The following RFPL3 variants were observed in gnomAD, a reference collection of about 807,000 sequenced individuals.
The protein encoded by RFPL3 is ret finger protein like 3.
In RFPL3, 8 loss-of-function variants were observed where a neutral mutation model predicts 8.7. That is an observed-to-expected ratio of 0.92 (90% CI 0.54 to 1.66). The LOEUF (loss-of-function observed/expected upper bound fraction) is 1.66. RFPL3 is among the 40% of genes most tolerant of loss of function. RFPL3 has a pLI of 0.00. For synonymous variants in RFPL3, 145 were observed against 150.5 expected (o/e 0.96, Z 0.27); for missense variants, 341 against 395.0 (o/e 0.86, Z 1.16).
rs758059430 is a variant in RFPL3 at position 32,360,370 on chromosome 22, C to T, written c.492C>T (p.Asp164=). The T allele has an allele frequency of 1.2e-5, 20 of 1,613,804 alleles. No homozygotes were observed. Among genetic ancestry groups the T allele is most frequent in the South Asian group, 4.4e-5 (4 of 91,078 alleles). Residue 164 remains aspartate, a synonymous_variant, in exon 2 of 2, where the codon GAC becomes GAT. Coordinates refer to ENST00000249007, the MANE Select transcript of RFPL3 (RefSeq NM_001098535.1). ...QNRQDLAERF[D]VSVCILGSPR... ...GGCAAGACCTTGCCGAGAGATTTGA[C>T]GTGTCCGTTTGCATCCTGGGCTCCC...
chr22:32,359,072 A>C (rs891728604), intron 1 of RFPL3, among the ~76,000 whole-genome samples: 4 of 152,284 alleles, frequency 2.6e-5, no homozygotes, highest in Admixed American at 2.0e-4. Context: ...GGGACATTTA[A>C]ATGAAAAGGT....
rs559055234 is a variant in RFPL3 at position 32,358,318 on chromosome 22, A to G, written c.247A>G (p.Met83Val). Reference sequence around the variant, plus strand: ...GGATCTGCTTTGCTGTTGCTGTTCCATGGTCTCTCAGAGGAACAAAATCAG... The same window carrying G: ...GGATCTGCTTTGCTGTTGCTGTTCCGTGGTCTCTCAGAGGAACAAAATCAG... ...GEDLLCCCCS[M>V]VSQRNKIRPN... Residue 83 changes from methionine (M) to valine (V), a missense_variant, in exon 1 of 2, where the codon ATG becomes GTG. Physicochemically the swap from Met to Val is conservative, Grantham distance 21 (BLOSUM62 1). Transcript: ENST00000249007. 26 of 1,614,052 alleles carry G rather than the reference A, an allele frequency of 1.6e-5. 1 individual carries two copies. In the African/African-American group the frequency reaches 2.5e-4, roughly 16 times the overall value.
upstream of RFPL3, chr22:32,356,782 C>A: frequency 2.6e-6 from 1 of 386,516 alleles, no homozygotes; most frequent in South Asian, 2.1e-5. Context: ...AGGCTCAGGT[C>A]GCTTCTGGCT....
In RFPL3 at chr22:32,358,376, A is replaced by C. The variant is rs548942587; in HGVS notation, c.305A>C (p.His102Pro). ...PNRQLERLVS[H>P]IKELEPKLKK... ...CGGCAGCTAGAGAGGCTGGTTTCCC[A>C]CATCAAGGAACTGGAGCCCAAGCTG... The change falls in exon 1 of 2, where the codon CAC (histidine) becomes CCC (proline). Residue 102 changes from histidine to proline, a missense_variant. Coordinates refer to ENST00000249007, the MANE Select transcript of RFPL3 (RefSeq NM_001098535.1). 24 of 1,614,126 alleles carry C rather than the reference A, an allele frequency of 1.5e-5. No homozygotes were observed. The South Asian group carries it at 2.5e-4, about 17-fold the overall frequency.
chr22:32,360,354 T>G lies in RFPL3; in HGVS notation c.476T>G (p.Leu159Arg). ...SGLITQNRQD[L>R]AERFDVSVCI... ...CTCATCACACAGAATCGGCAAGACC[T>G]TGCCGAGAGATTTGACGTGTCCGTT... The change falls in exon 2 of 2, where the codon CTT (leucine) becomes CGT (arginine). Residue 159 changes from leucine (L) to arginine (R), a missense_variant. Transcript: ENST00000249007. 2 of 1,613,956 alleles carry G rather than the reference T, an allele frequency of 1.2e-6. No homozygotes were observed. Among genetic ancestry groups the G allele is most frequent in the Non-Finnish European group, 1.7e-6 (2 of 1,179,864 alleles).
Position 32,360,812 on chromosome 22 carries a change from C to T in RFPL3, c.934C>T (p.Arg312Cys), listed in dbSNP as rs369320148. ...CTCAGGCACTACTGATGCTCCAGTC[C>T]GTCCTGGGGAGGCCAAATAAGCCGC... Reference protein sequence around the residue: ...MNSGTTDAPVRPGEAK With the variant: ...MNSGTTDAPVCPGEAK Residue 312 changes from arginine (R) to cysteine (C), a missense_variant, in exon 2 of 2, where the codon CGT (arginine) becomes TGT (cysteine). Physicochemically the swap from Arg to Cys is radical, Grantham distance 180. Transcript: ENST00000249007. 2.9e-5 allele frequency: 44 copies of T among 1,525,118 alleles called. No individual in the cohort carries two copies. The highest frequency in any genetic ancestry group is 1.4e-4 in the African/African-American group (10 of 71,606). The allele number at this position is 1,525,118 out of a possible 1,614,324, so 94.5% of individuals were successfully genotyped here. A position where few individuals can be genotyped will look rare whatever the true frequency, so the allele number is the denominator to read the frequency against.
upstream of RFPL3, among the ~76,000 whole-genome samples, chr22:32,355,601 A>C (rs190350085): frequency 6.6e-6 from 1 of 152,222 alleles, no homozygotes; most frequent in East Asian, 1.9e-4. Flanking sequence ...TCACCTGTGC[A>C]TGTGTCAGAG....
upstream of RFPL3, among the ~76,000 whole-genome samples, chr22:32,355,513 A>C (rs1442307783): frequency 6.6e-6 from 1 of 152,076 alleles, no homozygotes; most frequent in African/African-American, 2.4e-5. Flanking sequence ...CCTCCAAAGA[A>C]GGCCAGTGAC....
At chr22:32,360,134 G>C in intron 1 of RFPL3, 118 bp from the exon 2 acceptor site, 1 of 1,344,890 alleles carries the variant, frequency 7.4e-7, no homozygotes, top group East Asian at 2.4e-5. Context: ...TTTGATTTTG[G>C]AGGAAGAAAC....
upstream of RFPL3, chr22:32,355,029 G>C (rs150963186): frequency 3.7e-4 from 57 of 152,110 alleles, no homozygotes; most frequent in African/African-American, 1.4e-3. Flanking sequence ...GTACTAACCA[G>C]CTACACAAGC....
Position 32,360,597 on chromosome 22 carries a change from G to A in RFPL3, c.719G>A (p.Arg240His), listed in dbSNP as rs753319408. 19 of 1,613,328 alleles carry A rather than the reference G, an allele frequency of 1.2e-5. No homozygotes were observed. Among genetic ancestry groups the A allele is most frequent in the South Asian group, 3.3e-5 (3 of 91,062 alleles). ...TVPLTFLLVDRKLQRVGIFLD... is the reference protein window; with the variant it reads ...TVPLTFLLVDHKLQRVGIFLD... The stretch of plus-strand genomic sequence containing the variant: ...CCGCTGACTTTCCTCTTAGTAGACC[G>A]CAAGTTACAGCGAGTGGGGATTTTT... The change falls in exon 2 of 2, where the codon CGC becomes CAC. Residue 240 changes from arginine (R) to histidine (H), a missense_variant. Coordinates refer to ENST00000249007, the MANE Select transcript of RFPL3 (RefSeq NM_001098535.1).
At position 32,358,118 on chromosome 22, in the gene RFPL3, G is replaced by A; in HGVS notation, c.47G>A (p.Gly16Glu). 1 of 1,613,920 alleles carries A rather than the reference G, an allele frequency of 6.2e-7. No homozygotes were observed. Among genetic ancestry groups the A allele is most frequent in the Non-Finnish European group, 8.5e-7 (1 of 1,179,852 alleles). The change falls in exon 1 of 2, where the codon GGA becomes GAA. Residue 16 changes from glycine to glutamate, a missense_variant. Coordinates refer to ENST00000249007, the MANE Select transcript of RFPL3 (RefSeq NM_001098535.1). ...ACAACTAACAGGCTTTCACCTCAAG[G>A]AAATTTTCTTCCCTTGTGTACTTTT... ...LVTTNRLSPQGNFLPLCTFPL... is the reference protein window; with the variant it reads ...LVTTNRLSPQENFLPLCTFPL...
rs1439733154 is a variant in RFPL3, at chr22:32,360,508, C to T, written c.630C>T (p.Thr210=). ...SVHCKGKIQL[T]TELGFWTVSL... is the part of the protein sequence containing the mutation. ...ACTGCAAAGGGAAGATCCAGCTGAC[C>T]ACAGAGCTTGGATTCTGGACTGTGA... Residue 210 remains threonine (T), a synonymous_variant, in exon 2 of 2, where the codon ACC becomes ACT. Coordinates refer to ENST00000249007, the MANE Select transcript of RFPL3 (RefSeq NM_001098535.1). 6.2e-7 allele frequency: 1 copy of T among 1,613,946 alleles called. No individual in the cohort carries two copies. Among genetic ancestry groups the T allele is most frequent in the Admixed American group, 1.7e-5 (1 of 60,014 alleles).
chr22:32,358,289 G>A lies in RFPL3; in HGVS notation c.218G>A (p.Gly73Glu). The change falls in exon 1 of 2, where the codon GGG becomes GAG. Residue 73 changes from glycine to glutamate, a missense_variant. Gly to Glu is a moderately conservative substitution (Grantham distance 98, BLOSUM62 -2). Coordinates refer to ENST00000249007, the MANE Select transcript of RFPL3 (RefSeq NM_001098535.1). ...AATTCGCTGCAGAAGGAGCCCCATG[G>A]GGAGGATCTGCTTTGCTGTTGCTGT... ...CINSLQKEPH[G>E]EDLLCCCCSM... 1.9e-6 allele frequency: 3 copies of A among 1,613,970 alleles called. No homozygotes were observed. The highest frequency in any genetic ancestry group is 2.5e-6 in the Non-Finnish European group (3 of 1,179,888).
intron 1 of RFPL3, among the ~76,000 whole-genome samples, chr22:32,359,078 A>G (rs1045543083): frequency 2.6e-5 from 4 of 152,298 alleles, no homozygotes; most frequent in Admixed American, 2.0e-4. Context: ...TTTAAATGAA[A>G]AGGTTATGGT....
chr22:32,359,403 A>G (rs1932755438), intron 1 of RFPL3, among the ~76,000 whole-genome samples: 2 of 151,020 alleles, frequency 1.3e-5, no homozygotes, highest in Non-Finnish European at 2.9e-5. Context: ...GACTTGAAGG[A>G]TAATATATTT....
Position 32,358,263 on chromosome 22 carries a change from C to T in RFPL3, c.192C>T (p.Ile64=), listed in dbSNP as rs376474772. ...GATGCACCGTCTGCCTCAAGTGCAT[C>T]AATTCGCTGCAGAAGGAGCCCCATG... is the stretch of plus-strand genomic sequence containing the variant. ...ECGCTVCLKC[I]NSLQKEPHGE... is the part of the protein sequence containing the mutation. The change falls in exon 1 of 2, where the codon ATC becomes ATT. Residue 64 remains isoleucine (I), a synonymous_variant. Coordinates refer to ENST00000249007, the MANE Select transcript of RFPL3 (RefSeq NM_001098535.1). 310 of 1,613,850 alleles carry T rather than the reference C, an allele frequency of 1.9e-4. 1 individual carries two copies. In the African/African-American group the frequency reaches 3.5e-3, roughly 18 times the overall value.
chr22:32,357,195 C>A (rs968251349), upstream of RFPL3, among the ~76,000 whole-genome samples: 1 of 152,192 alleles, frequency 6.6e-6, no homozygotes, highest in African/African-American at 2.4e-5. Context: ...CCCTGCCCAC[C>A]AGTGGTGGCA....
At chr22:32,355,583 T>C (rs1012727687), upstream of RFPL3, among the ~76,000 whole-genome samples, 1 of 151,984 alleles carries the variant, frequency 6.6e-6, no homozygotes, top group Non-Finnish European at 1.5e-5. Context: ...CAGCCCTAGG[T>C]GCACAGGTCA....
Sources: gnomAD v4.1 joint callset for allele counts (sites outside exome capture counted in the v4.1 genomes callset) on GRCh38, gnomAD v4.1.1 for gene constraint, MANE v1.5 for transcripts, NCBI Gene and HGNC (gene_info 2026-07-23, HGNC 2026-07-21) for gene names.